The following WSCD2 variants were observed in gnomAD, a reference collection of about 807,000 sequenced individuals.
The protein encoded by WSCD2 is sialate:O-sulfotransferase 2.
A neutral mutation model predicts 55.7 loss-of-function variants in WSCD2; 28 were observed. That is an observed-to-expected ratio of 0.50 (90% CI 0.37 to 0.69). The LOEUF (loss-of-function observed/expected upper bound fraction) is 0.69. Among genes scored for constraint, WSCD2 ranks in the 30% least tolerant of loss-of-function variants. WSCD2 has a pLI of 0.00. For missense variants in WSCD2, 616 were observed against 762.1 expected (o/e 0.81, Z 2.26); for synonymous variants, 301 against 301.9 (o/e 1.00, Z 0.03).
intron 1 of WSCD2, among the ~76,000 whole-genome samples, chr12:108,142,983 A>G (rs566687048): frequency 6.6e-6 from 1 of 152,182 alleles, no homozygotes; most frequent in Admixed American, 6.5e-5. Flanking sequence ...GCTAATTTTT[A>G]AAAAAATTTT....
intron 1 of WSCD2, among the ~76,000 whole-genome samples, chr12:108,176,061 G>A (rs1028535237): frequency 6.6e-6 from 1 of 152,008 alleles, no homozygotes; most frequent in South Asian, 2.1e-4. Flanking sequence ...GGATGGTCTC[G>A]ATCTCCTGAC....
Position 108,220,052 on chromosome 12 carries a change from C to G in WSCD2, c.683-4687C>G, listed in dbSNP as rs561677586. 1.6e-3 allele frequency among the ~76,000 whole-genome samples: 250 copies of G among 152,220 alleles called. 1 individual carries two copies. The highest frequency in any genetic ancestry group is 5.9e-3 in the African/African-American group (243 of 41,536). On this transcript the variant is annotated intron_variant, in intron 4 of 8. Transcript: ENST00000547525. The stretch of plus-strand genomic sequence containing the variant: ...GGGTGGGAGAGAGAAAATCAATGTC[C>G]CACTGTTGTGAAATGCTAAAGCCAG...
intron 1 of WSCD2, among the ~76,000 whole-genome samples, chr12:108,140,476 C>T (rs1308857798): frequency 1.3e-5 from 2 of 152,154 alleles, no homozygotes; most frequent in Non-Finnish European, 2.9e-5. Context: ...CATAATCCAT[C>T]CTGGCATAGC....
intron 1 of WSCD2, among the ~76,000 whole-genome samples, chr12:108,191,887 T>G (rs966799810): frequency 1.3e-5 from 2 of 152,132 alleles, no homozygotes; most frequent in African/African-American, 4.8e-5. Context: ...CCGGCAGATC[T>G]CCTTCATTTT....
At chr12:108,243,719 T>C (rs1889913599) in intron 8 of WSCD2, among the ~76,000 whole-genome samples, 1 of 152,224 alleles carries the variant, frequency 6.6e-6, no homozygotes, top group Non-Finnish European at 1.5e-5. Flanking sequence ...GAATCTGCAC[T>C]TTAACAAGAT....
chr12:108,227,754 G>GATGA (rs1565985782), intron 6 of WSCD2, among the ~76,000 whole-genome samples: 2 of 111,708 alleles, frequency 1.8e-5, no homozygotes, highest in East Asian at 6.1e-4. Context: ...GATGATGATG[G>GATGA]TGATGATTAT....
chr12:108,227,034 G>A lies in WSCD2; in HGVS notation c.849G>A (p.Gly283=). The change falls in exon 6 of 9, where the codon GGG becomes GGA. Residue 283 remains glycine (G), a synonymous_variant. Transcript: ENST00000547525. ...AALAGTACHC[G]FPTTRFPLHD... Reference sequence around the variant, plus strand: ...TTGCAGGCACCGCCTGCCACTGTGGGTTTCCCACCACCCGATTCCCGCTCC... The same window carrying A: ...TTGCAGGCACCGCCTGCCACTGTGGATTTCCCACCACCCGATTCCCGCTCC... 1 of 1,614,176 alleles carries A rather than the reference G, an allele frequency of 6.2e-7. No individual in the cohort carries two copies. Among genetic ancestry groups the A allele is most frequent in the South Asian group, 1.1e-5 (1 of 91,080 alleles).
At chr12:108,170,376 A>AATG (rs150535427) in intron 1 of WSCD2, among the ~76,000 whole-genome samples, 7,622 of 152,194 alleles carry the variant, frequency 0.05, 255 homozygotes, top group Non-Finnish European at 0.078. Flanking sequence ...ACAAGACAAC[A>AATG]ATGATGATGA....
At chr12:108,216,857 A>C (rs890212006) in intron 4 of WSCD2, among the ~76,000 whole-genome samples, 1 of 152,222 alleles carries the variant, frequency 6.6e-6, no homozygotes, top group Non-Finnish European at 1.5e-5. Flanking sequence ...TGGCAGGCCC[A>C]GCCTGTCCCT....
intron 1 of WSCD2, among the ~76,000 whole-genome samples, chr12:108,156,758 C>G (rs2136928081): frequency 6.6e-6 from 1 of 152,352 alleles, no homozygotes; most frequent in African/African-American, 2.4e-5. Flanking sequence ...TGATTTCAGT[C>G]ATTACTGAGG....
At chr12:108,227,215 C>T in intron 6 of WSCD2, 51 bp downstream of exon 6, 1 of 1,574,662 alleles carries the variant, frequency 6.4e-7, no homozygotes, top group South Asian at 1.2e-5. Context: ...CAGTGGCTTC[C>T]CTCCCAGACG....
At chr12:108,206,700 C>T (rs533601842) in intron 3 of WSCD2, among the ~76,000 whole-genome samples, 15 of 152,318 alleles carry the variant, frequency 9.8e-5, no homozygotes, top group African/African-American at 3.6e-4. Context: ...TGTTTGTGAG[C>T]TTAATGCCAA....
Position 108,210,747 on chromosome 12 carries a change from T to C in WSCD2, c.682+442T>C, listed in dbSNP as rs959978228. On this transcript the variant is annotated intron_variant, in intron 4 of 8. Transcript: ENST00000547525. The surrounding 1 kb of genome is among the most constrained non-coding windows in gnomAD (Gnocchi z 4.3). Reference sequence around the variant, plus strand: ...TCACAATGACCCTTGACATAGGTACTATTATTTACTTATTCCCATTTTACA... The same window carrying C: ...TCACAATGACCCTTGACATAGGTACCATTATTTACTTATTCCCATTTTACA... Among the ~76,000 whole-genome samples, 3 of 152,244 alleles carry C rather than the reference T, an allele frequency of 2.0e-5. No homozygotes were observed. The highest frequency in any genetic ancestry group is 2.0e-4 in the Admixed American group (3 of 15,294).
chr12:108,202,300 C>T (rs1397984103), intron 2 of WSCD2, among the ~76,000 whole-genome samples: 5 of 152,162 alleles, frequency 3.3e-5, no homozygotes, highest in African/African-American at 1.2e-4. Flanking sequence ...GAGCTCAGTC[C>T]ATTAATCAGG....
intron 1 of WSCD2, among the ~76,000 whole-genome samples, chr12:108,183,645 T>G (rs1029073738): frequency 6.6e-6 from 1 of 152,210 alleles, no homozygotes; most frequent in Non-Finnish European, 1.5e-5. Flanking sequence ...CTGAGCGGGC[T>G]CTGAGCATTC....
At chr12:108,149,487 C>T (rs982627699) in intron 1 of WSCD2, among the ~76,000 whole-genome samples, 7 of 152,200 alleles carry the variant, frequency 4.6e-5, no homozygotes, top group Non-Finnish European at 7.3e-5. Flanking sequence ...ACATCGGCCC[C>T]CACCAGCCAG....
chr12:108,194,846 A>G (rs78927645), intron 1 of WSCD2, among the ~76,000 whole-genome samples: 1,861 of 152,102 alleles, frequency 0.012, 34 homozygotes, highest in African/African-American at 0.041. Flanking sequence ...GTTTGTTGGG[A>G]AAAAAAATGA....
rs1465749949 is a variant in WSCD2 at position 108,195,788 on chromosome 12, G to C, written c.-45G>C. 1 of 1,554,804 alleles carries C rather than the reference G, an allele frequency of 6.4e-7. No homozygotes were observed. The highest frequency in any genetic ancestry group is 1.9e-5 in the Admixed American group (1 of 54,002). Reference sequence around the variant, plus strand: ...CCAAGCCCCTTCCATCCTCTCCCAAGCACCCCAGCCAAGCCCCAGAGAGCC... The same window carrying C: ...CCAAGCCCCTTCCATCCTCTCCCAACCACCCCAGCCAAGCCCCAGAGAGCC... On this transcript the variant is annotated 5_prime_UTR_variant, in exon 2 of 9. Transcript: ENST00000547525.
intron 2 of WSCD2, among the ~76,000 whole-genome samples, chr12:108,203,520 G>GC (rs1884965918): frequency 6.6e-6 from 1 of 152,150 alleles, no homozygotes; most frequent in Non-Finnish European, 1.5e-5. Context: ...GATTGACCTT[G>GC]CCAAGGTCAT....
Sources: allele counts gnomAD v4.1 joint callset (sites outside exome capture counted in the v4.1 genomes callset), GRCh38; gene constraint gnomAD v4.1.1; non-coding constraint Gnocchi (gnomAD v3.1); transcripts MANE v1.5; gene names NCBI Gene and HGNC (gene_info 2026-07-23, HGNC 2026-07-21).